SORCS2: variants seen among roughly 807,000 people sequenced by gnomAD.
SORCS2 encodes the protein sortilin related VPS10 domain containing receptor 2.
Under a neutral mutation model 141.6 loss-of-function variants are expected in SORCS2, and 100 were observed. The observed-to-expected ratio is 0.71, with a 90% CI of 0.60 to 0.83. The LOEUF (loss-of-function observed/expected upper bound fraction) is 0.83, where lower values mean the gene tolerates loss of function less well. Among genes scored for constraint, SORCS2 ranks in the 40% least tolerant of loss-of-function variants. The pLI, the probability that SORCS2 is intolerant of heterozygous loss-of-function variation, is 0.00. For missense variants in SORCS2, 1,646 were observed against 1,560.2 expected, an observed-to-expected ratio of 1.05 and a Z score of -0.93; for synonymous variants, 789 against 676.9, an observed-to-expected ratio of 1.17 and a Z score of -2.57.
Position 7,433,320 on chromosome 4 carries a change from G to T in SORCS2, c.548+36965G>T, listed in dbSNP as rs757005290. The T allele has an allele frequency of 7.1e-7, 1 of 1,405,652 alleles. No homozygotes were observed. The highest frequency in any genetic ancestry group is 9.3e-7 in the Non-Finnish European group (1 of 1,076,734). 87.1% of individuals were successfully genotyped at this position (1,405,652 alleles called of 1,614,324 possible). A position where few individuals can be genotyped will look rare whatever the true frequency, so the allele number is the denominator to read the frequency against. Reference sequence around the variant, plus strand: ...GGGTCTCTGGCAGCCACGGTCACGCGTGTTCCCCAGCGTGGAGGTGCATCT... The same window carrying T: ...GGGTCTCTGGCAGCCACGGTCACGCTTGTTCCCCAGCGTGGAGGTGCATCT... On this transcript the variant is annotated intron_variant, in intron 2 of 26. Coordinates refer to ENST00000507866, the MANE Select transcript of SORCS2 (RefSeq NM_020777.3).
intron 1 of SORCS2, among the ~76,000 whole-genome samples, chr4:7,343,791 G>A (rs1227375676): frequency 6.6e-6 from 1 of 152,192 alleles, no homozygotes; most frequent in African/African-American, 2.4e-5. Flanking sequence ...TCAAGATGGG[G>A]GCAGCTCTCC....
chr4:7,274,729 G>A (rs1348740404), intron 1 of SORCS2, among the ~76,000 whole-genome samples: 1 of 152,194 alleles, frequency 6.6e-6, no homozygotes, highest in African/African-American at 2.4e-5. Flanking sequence ...TGTCGAGAAG[G>A]TTTGTTTGTT....
At chr4:7,342,604 C>T (rs1383152964) in intron 1 of SORCS2, among the ~76,000 whole-genome samples, 1 of 152,090 alleles carries the variant, frequency 6.6e-6, no homozygotes, top group Non-Finnish European at 1.5e-5. Context: ...CTTGCAGGGA[C>T]CTTGGGGCCC....
At position 7,682,895 on chromosome 4, in the gene SORCS2, T is replaced by G; in HGVS notation, c.1488+6T>G. The G allele has an allele frequency of 6.2e-7, 1 of 1,613,062 alleles. No homozygotes were observed. The highest frequency in any genetic ancestry group is 8.5e-7 in the Non-Finnish European group (1 of 1,179,550). On this transcript the variant is annotated splice_donor_region_variant and intron_variant, in intron 10 of 26. Coordinates refer to ENST00000507866, the MANE Select transcript of SORCS2 (RefSeq NM_020777.3). ...AACCAACCAACTGCAAGCCTGTAAGTACCTCTGCTCACATCACACACCATC... is the reference window on the plus strand; with the variant it reads ...AACCAACCAACTGCAAGCCTGTAAGGACCTCTGCTCACATCACACACCATC...
intron 1 of SORCS2, among the ~76,000 whole-genome samples, chr4:7,336,705 G>C (rs73796650): frequency 0.042 from 1,688 of 40,206 alleles, 324 homozygotes; most frequent in East Asian, 0.16. Flanking sequence ...AGGACCTCCT[G>C]TTCGCATCTT....
intron 2 of SORCS2, among the ~76,000 whole-genome samples, chr4:7,466,550 A>G (rs903789774): frequency 1.3e-5 from 2 of 152,178 alleles, no homozygotes; most frequent in African/African-American, 4.8e-5. Context: ...CCTCACGTCC[A>G]TACCCCATTC....
At chr4:7,311,950 A>C (rs142463574) in intron 1 of SORCS2, among the ~76,000 whole-genome samples, 11,309 of 152,088 alleles carry the variant, frequency 0.074, 896 homozygotes, top group African/African-American at 0.2. Context: ...ATCTCAGCTC[A>C]CTGCAATTGG....
At chr4:7,550,010 C>T (rs1488064889) in intron 3 of SORCS2, among the ~76,000 whole-genome samples, 1 of 151,958 alleles carries the variant, frequency 6.6e-6, no homozygotes, top group Non-Finnish European at 1.5e-5. Context: ...AAATATGAAT[C>T]CACAGGCGGA....
At chr4:7,357,263 C>G (rs1016961138) in intron 1 of SORCS2, among the ~76,000 whole-genome samples, 1 of 152,198 alleles carries the variant, frequency 6.6e-6, no homozygotes, top group Non-Finnish European at 1.5e-5. Context: ...GACCTTTGTT[C>G]CTTTACTTGA....
chr4:7,278,681 G>C (rs1715669969), intron 1 of SORCS2, among the ~76,000 whole-genome samples: 1 of 152,218 alleles, frequency 6.6e-6, no homozygotes, highest in Admixed American at 6.5e-5. Flanking sequence ...ATGCGCTTAT[G>C]GGGCCAGCTG....
intron 2 of SORCS2, among the ~76,000 whole-genome samples, chr4:7,458,831 T>C (rs551456517): frequency 2.7e-4 from 41 of 152,000 alleles, no homozygotes; most frequent in African/African-American, 9.7e-4. Context: ...GGGAGTCTTC[T>C]TGGTGGAGGC....
At chr4:7,591,053 C>A (rs575729776) in intron 3 of SORCS2, among the ~76,000 whole-genome samples, 3 of 152,178 alleles carry the variant, frequency 2.0e-5, no homozygotes, top group African/African-American at 7.2e-5. Context: ...GCACACTTGG[C>A]GGGTCTCAAT....
At chr4:7,468,269 A>G (rs1392166072) in intron 2 of SORCS2, among the ~76,000 whole-genome samples, 1 of 152,174 alleles carries the variant, frequency 6.6e-6, no homozygotes, top group Admixed American at 6.5e-5. Flanking sequence ...TACCACTATT[A>G]ACATCGTCAT....
At chr4:7,639,086 A>AG (rs1217446407) in intron 4 of SORCS2, among the ~76,000 whole-genome samples, 2 of 151,686 alleles carry the variant, frequency 1.3e-5, no homozygotes, top group Non-Finnish European at 2.9e-5. Context: ...CTGGGTTCTG[A>AG]GGCTGTGGAG....
intron 2 of SORCS2, among the ~76,000 whole-genome samples, chr4:7,514,539 T>C (rs1285013812): frequency 6.6e-6 from 1 of 151,888 alleles, no homozygotes; most frequent in African/African-American, 2.4e-5. Flanking sequence ...GGGCTGGTTA[T>C]AGAGTCATGG....
At chr4:7,601,708 T>C (rs1174475513) in intron 3 of SORCS2, among the ~76,000 whole-genome samples, 2 of 150,716 alleles carry the variant, frequency 1.3e-5, no homozygotes, top group African/African-American at 2.4e-5. Flanking sequence ...TTCTTGGGTG[T>C]TTCTCGGAGA....
rs142883421 is a variant in SORCS2, at chr4:7,368,614, C to T, written c.481-27674C>T. Among the ~76,000 whole-genome samples, 194 of 152,320 alleles carry T rather than the reference C, an allele frequency of 1.3e-3. 5 individuals are homozygous for T. The East Asian group carries it at 0.033, about 26-fold the overall frequency. On this transcript the variant is annotated intron_variant, in intron 1 of 26. Transcript: ENST00000507866. ...CAGGTGTAACTCCTAGAGAGGCCTG[C>T]CCCCATGGAGGGGACCACCTCCCTG...
chr4:7,321,814 C>A (rs1268826793), intron 1 of SORCS2, among the ~76,000 whole-genome samples: 1 of 152,178 alleles, frequency 6.6e-6, no homozygotes, highest in Non-Finnish European at 1.5e-5. Context: ...GATTCAAGTG[C>A]CCCGTGAGGG....
intron 2 of SORCS2, among the ~76,000 whole-genome samples, chr4:7,528,492 C>G (rs1733838427): frequency 6.6e-6 from 1 of 152,022 alleles, no homozygotes; most frequent in South Asian, 2.1e-4. Flanking sequence ...GTGGTGCGAT[C>G]TCAGCTCACT....
Sources: gnomAD v4.1 joint callset for allele counts (sites outside exome capture counted in the v4.1 genomes callset) on GRCh38, gnomAD v4.1.1 for gene constraint, MANE v1.5 for transcripts, NCBI Gene and HGNC (gene_info 2026-07-23, HGNC 2026-07-21) for gene names.